Variants in DPYD observed in about 807,000 individuals in gnomAD.
The protein encoded by DPYD is dihydropyrimidine dehydrogenase [NADP(+)].
A neutral mutation model predicts 116.2 loss-of-function variants in DPYD; 109 were observed. The observed-to-expected ratio is 0.94, with a 90% CI of 0.80 to 1.10. DPYD has a LOEUF of 1.10. Ranked by LOEUF, DPYD falls within the 50% of genes least tolerant of loss-of-function variation. The pLI, the probability that DPYD is intolerant of heterozygous loss-of-function variation, is 0.00. For missense variants in DPYD, 1,302 were observed against 1,254.5 expected, an observed-to-expected ratio of 1.04 and a Z score of -0.57; for synonymous variants, 440 against 432.0, an observed-to-expected ratio of 1.02 and a Z score of -0.23.
At chr1:97,138,117 G>A (rs751661290) in intron 20 of DPYD, among the ~76,000 whole-genome samples, 10 of 152,118 alleles carry the variant, frequency 6.6e-5, no homozygotes, top group Non-Finnish European at 1.3e-4. Context: ...AAGAGGATAA[G>A]CACAGTTGTA....
At chr1:97,569,495 A>C (rs1172953289) in intron 11 of DPYD, among the ~76,000 whole-genome samples, 2 of 149,894 alleles carry the variant, frequency 1.3e-5, no homozygotes, top group African/African-American at 4.9e-5. Flanking sequence ...ATTTTAAATA[A>C]ACGTTTAGAA....
intron 8 of DPYD, among the ~76,000 whole-genome samples, chr1:97,599,083 G>A (rs1213398375): frequency 6.6e-6 from 1 of 152,230 alleles, no homozygotes; most frequent in Non-Finnish European, 1.5e-5. Context: ...TCTGCAGCCA[G>A]GTTCCAATCT....
At chr1:97,427,021 T>C (rs1353033291) in intron 14 of DPYD, among the ~76,000 whole-genome samples, 3 of 152,112 alleles carry the variant, frequency 2.0e-5, no homozygotes, top group Admixed American at 6.6e-5. Context: ...AGGACTTTAT[T>C]TTTATGCAGT....
In DPYD at chr1:97,888,742, G is replaced by GA. The variant is rs540744095; in HGVS notation, c.40-5369dup. ...GGATAAGACATACAAAGTATTAAAAGAAAAAAAAATGTGAACCATGACTCC... is the reference window on the plus strand; with the variant it reads ...GGATAAGACATACAAAGTATTAAAAGAAAAAAAAAATGTGAACCATGACTCC... On this transcript the variant is annotated intron_variant, in intron 1 of 22. Transcript: ENST00000370192. Among the ~76,000 whole-genome samples the GA allele has an allele frequency of 1.5e-4, 23 of 150,452 alleles. 1 individual carries two copies. The South Asian group carries it at 3.4e-3, about 22-fold the overall frequency.
intron 16 of DPYD, among the ~76,000 whole-genome samples, chr1:97,370,247 C>T (rs1378835253): frequency 2.6e-5 from 4 of 152,072 alleles, no homozygotes; most frequent in South Asian, 2.1e-4. Context: ...CATAAAAAAT[C>T]GAGTTTATGT....
At chr1:97,372,779 A>G (rs6593647) in intron 16 of DPYD, among the ~76,000 whole-genome samples, 141,509 of 152,058 alleles carry the variant, frequency 0.93, 66,713 homozygotes, top group East Asian at 1. Context: ...TAAGTACAAG[A>G]TCCTGTGCCA....
chr1:97,174,159 A>G (rs964614243), intron 20 of DPYD, among the ~76,000 whole-genome samples: 4 of 152,082 alleles, frequency 2.6e-5, no homozygotes, highest in African/African-American at 9.7e-5. Flanking sequence ...TTAGGGCAAA[A>G]GAGTCCAGCC....
At chr1:97,815,064 AAAGAAAGAAAAGAG>A (rs1036296596) in intron 3 of DPYD, among the ~76,000 whole-genome samples, 10 of 150,770 alleles carry the variant, frequency 6.6e-5, no homozygotes, top group African/African-American at 2.4e-4. Context: ...AGGGAGAAAG[AAAGAAAGAAAAGAG>A]AAGAAAGAAA....
chr1:97,238,112 A>G (rs1662075773), intron 18 of DPYD, among the ~76,000 whole-genome samples: 1 of 152,202 alleles, frequency 6.6e-6, no homozygotes, highest in Non-Finnish European at 1.5e-5. Context: ...AAGATGTTCA[A>G]TTAGGTCAAT....
chr1:97,218,689 T>C (rs1326791777), intron 19 of DPYD, among the ~76,000 whole-genome samples: 1 of 150,994 alleles, frequency 6.6e-6, no homozygotes, highest in African/African-American at 2.4e-5. Flanking sequence ...TCAGAAGAAA[T>C]CAGAAGTACA....
At chr1:97,526,589 C>A (rs1480020718) in intron 12 of DPYD, among the ~76,000 whole-genome samples, 1 of 152,156 alleles carries the variant, frequency 6.6e-6, no homozygotes, top group Non-Finnish European at 1.5e-5. Flanking sequence ...AACATGAGTT[C>A]TTTTCCTAGT....
At chr1:97,871,125 TTAA>T (rs1171753744) in intron 2 of DPYD, among the ~76,000 whole-genome samples, 29 of 151,958 alleles carry the variant, frequency 1.9e-4, no homozygotes, top group Admixed American at 1.9e-3. Flanking sequence ...ATATGCTTCA[TTAA>T]TATCTTTTAA....
intron 10 of DPYD, among the ~76,000 whole-genome samples, chr1:97,589,510 T>G (rs781241977): frequency 2.8e-4 from 42 of 152,224 alleles, no homozygotes; most frequent in Non-Finnish European, 4.1e-4. Context: ...TTAAGTTTCC[T>G]GAGGCCTCCC....
chr1:97,351,966 G>T (rs911169316), intron 16 of DPYD, among the ~76,000 whole-genome samples: 1 of 152,108 alleles, frequency 6.6e-6, no homozygotes, highest in African/African-American at 2.4e-5. Context: ...ACAAAAATTT[G>T]TAGCCATACC....
Position 97,685,907 on chromosome 1 carries a change from G to A in DPYD, c.762+5810C>T, listed in dbSNP as rs371588721. ...TAATATGACAATAGGCATCCTGCCC[G>A]AAGCAATTTATACATTCAATGCTAT... On this transcript the variant is annotated intron_variant, in intron 7 of 22. Transcript: ENST00000370192. Among the ~76,000 whole-genome samples, 59 of 152,182 alleles carry A rather than the reference G, an allele frequency of 3.9e-4. 1 individual carries two copies. The South Asian group carries it at 5.8e-3, about 15-fold the overall frequency.
chr1:97,768,195 A>G (rs1442083973), intron 3 of DPYD, among the ~76,000 whole-genome samples: 1 of 152,104 alleles, frequency 6.6e-6, no homozygotes, highest in Admixed American at 6.6e-5. Flanking sequence ...ATAATTCTTG[A>G]TTTTTTTAAA....
intron 7 of DPYD, among the ~76,000 whole-genome samples, chr1:97,687,048 G>T (rs2780852): frequency 2.6e-5 from 4 of 152,168 alleles, no homozygotes; most frequent in Non-Finnish European, 4.4e-5. Flanking sequence ...AGGCAAGCGG[G>T]TCACTTGAGA....
At chr1:97,721,297 G>A (rs1336432951) in intron 5 of DPYD, among the ~76,000 whole-genome samples, 1 of 151,606 alleles carries the variant, frequency 6.6e-6, no homozygotes, top group Non-Finnish European at 1.5e-5. Context: ...ATAACCTGCT[G>A]GGATTGCAAC....
chr1:97,904,051 G>C (rs1332658387), intron 1 of DPYD, among the ~76,000 whole-genome samples: 1 of 151,790 alleles, frequency 6.6e-6, no homozygotes, highest in Non-Finnish European at 1.5e-5. Flanking sequence ...AACAGAGGCT[G>C]TATTTACCCC....
Sources: gnomAD v4.1 joint callset for allele counts (sites outside exome capture counted in the v4.1 genomes callset) on GRCh38, gnomAD v4.1.1 for gene constraint, MANE v1.5 for transcripts, NCBI Gene and HGNC (gene_info 2026-07-23, HGNC 2026-07-21) for gene names.